MVB12B: variants seen among roughly 807,000 people sequenced by gnomAD.
MVB12B encodes the protein ESCRT-I complex subunit MVB12B.
Under a neutral mutation model 41.6 loss-of-function variants are expected in MVB12B, and 16 were observed. The observed-to-expected ratio is 0.38, with a 90% CI of 0.26 to 0.58. MVB12B has a LOEUF of 0.58. Ranked by LOEUF, MVB12B falls within the 20% of genes least tolerant of loss-of-function variation. The pLI, the probability that MVB12B is intolerant of heterozygous loss-of-function variation, is 0.62. For synonymous variants in MVB12B, 133 were observed against 139.7 expected (o/e 0.95, Z 0.34); for missense variants, 274 against 380.2 (o/e 0.72, Z 2.32).
chr9:126,335,203 A>G, intron 1 of MVB12B: 1 of 1,152,306 alleles, frequency 8.7e-7, no homozygotes. Flanking sequence ...GACTATGTCC[A>G]GCAGCATTTG....
At chr9:126,444,843 A>G (rs1159655703) in intron 7 of MVB12B, among the ~76,000 whole-genome samples, 1 of 152,004 alleles carries the variant, frequency 6.6e-6, no homozygotes, top group Non-Finnish European at 1.5e-5. Flanking sequence ...TCTTCTTTTA[A>G]CCAACTCATT....
intron 9 of MVB12B, among the ~76,000 whole-genome samples, chr9:126,494,681 G>T (rs1833793848): frequency 2.6e-5 from 4 of 152,168 alleles, no homozygotes; most frequent in Admixed American, 2.0e-4. Flanking sequence ...AAGACAAAGG[G>T]TGGGGAGGGC....
At chr9:126,498,846 C>T (rs1833892393) in intron 9 of MVB12B, among the ~76,000 whole-genome samples, 1 of 152,206 alleles carries the variant, frequency 6.6e-6, no homozygotes, top group East Asian at 1.9e-4. Context: ...AGTGCACTTG[C>T]CTTCCCCTCT....
intron 2 of MVB12B, among the ~76,000 whole-genome samples, chr9:126,365,433 A>G (rs1830150647): frequency 6.6e-6 from 1 of 151,300 alleles, no homozygotes; most frequent in Non-Finnish European, 1.5e-5. Flanking sequence ...CCCAGGTTCA[A>G]GTGATTCTCC....
rs763563278 is a variant in MVB12B, at chr9:126,473,820, T to C, written c.758-7549T>C. Among the ~76,000 whole-genome samples, 1 of 152,232 alleles carries C rather than the reference T, an allele frequency of 6.6e-6. No individual in the cohort carries two copies. Among genetic ancestry groups the C allele is most frequent in the Non-Finnish European group, 1.5e-5 (1 of 68,046 alleles). On this transcript the variant is annotated intron_variant, in intron 7 of 9. Coordinates refer to ENST00000361171, the MANE Select transcript of MVB12B (RefSeq NM_033446.3). The surrounding 1 kb of genome is among the most constrained non-coding windows in gnomAD (Gnocchi z 4.0). Reference sequence around the variant, plus strand: ...TTGGGTATTTGGGTGGGGACACAGATTCAAGCCACGTTAAGTGGTAATGTT... The same window carrying C: ...TTGGGTATTTGGGTGGGGACACAGACTCAAGCCACGTTAAGTGGTAATGTT...
At chr9:126,477,810 GC>G (rs1179277100) in intron 7 of MVB12B, among the ~76,000 whole-genome samples, 1 of 152,148 alleles carries the variant, frequency 6.6e-6, no homozygotes, top group African/African-American at 2.4e-5. Flanking sequence ...TTTATTTAAA[GC>G]CCTAAACTCA....
intron 7 of MVB12B, among the ~76,000 whole-genome samples, chr9:126,463,551 CTCTT>C (rs1310673297): frequency 6.6e-6 from 1 of 152,174 alleles, no homozygotes; most frequent in Non-Finnish European, 1.5e-5. Flanking sequence ...TGGCAGGTCT[CTCTT>C]TATTTGGTCT....
At chr9:126,484,499 A>G (rs1833592654) in intron 9 of MVB12B, among the ~76,000 whole-genome samples, 1 of 145,832 alleles carries the variant, frequency 6.9e-6, no homozygotes, top group African/African-American at 2.5e-5. Flanking sequence ...GGTACCTTCC[A>G]CTGTGCTTCA....
chr9:126,380,591 C>G (rs889164587), intron 2 of MVB12B, among the ~76,000 whole-genome samples: 5 of 152,224 alleles, frequency 3.3e-5, no homozygotes, highest in Admixed American at 6.5e-5. Context: ...GCCCCAGCCT[C>G]CAGTAGAATC....
Position 126,340,388 on chromosome 9 carries a change from G to A in MVB12B, c.82-120G>A, listed in dbSNP as rs890009035. The A allele has an allele frequency of 1.8e-6, 2 of 1,117,896 alleles. No individual in the cohort carries two copies. Among genetic ancestry groups the A allele is most frequent in the African/African-American group, 3.1e-5 (2 of 64,372 alleles). 69.2% of individuals were successfully genotyped at this position (1,117,896 alleles called of 1,614,324 possible). ...CATAGGGTCAGGACTCATTCAACCAGTACAGGTATGTGAAACTCAGGGTAT... is the reference window on the plus strand; with the variant it reads ...CATAGGGTCAGGACTCATTCAACCAATACAGGTATGTGAAACTCAGGGTAT... On this transcript the variant is annotated intron_variant, in intron 1 of 9. Coordinates refer to ENST00000361171, the MANE Select transcript of MVB12B (RefSeq NM_033446.3). This position sits in a 1 kb window ranked among gnomAD's most constrained non-coding sequence, Gnocchi z 4.0.
chr9:126,374,976 C>G (rs1184465315), intron 2 of MVB12B, among the ~76,000 whole-genome samples: 1 of 152,234 alleles, frequency 6.6e-6, no homozygotes, highest in Non-Finnish European at 1.5e-5. Context: ...CCTGCCCTGT[C>G]TCCCCACCTT....
intron 6 of MVB12B, chr9:126,397,218 G>T: frequency 1.0e-6 from 1 of 985,486 alleles, no homozygotes; most frequent in Non-Finnish European, 1.2e-6. Flanking sequence ...GCCCAGAAAT[G>T]GGCACCACCT....
At chr9:126,410,205 A>C (rs1418002652) in intron 6 of MVB12B, among the ~76,000 whole-genome samples, 1 of 149,320 alleles carries the variant, frequency 6.7e-6, no homozygotes, top group African/African-American at 2.5e-5. Flanking sequence ...GCATGTGTGT[A>C]TGTGTTGCCC....
chr9:126,416,841 C>T (rs1215385123), intron 6 of MVB12B, among the ~76,000 whole-genome samples: 3 of 152,186 alleles, frequency 2.0e-5, no homozygotes, highest in African/African-American at 4.8e-5. Flanking sequence ...CTCCATCCCA[C>T]GCTGGGGAAC....
intron 7 of MVB12B, among the ~76,000 whole-genome samples, chr9:126,457,510 T>G (rs1449056439): frequency 6.6e-6 from 1 of 152,308 alleles, no homozygotes; most frequent in African/African-American, 2.4e-5. Context: ...ACCATGAATG[T>G]TATTTTTTTA....
intron 2 of MVB12B, among the ~76,000 whole-genome samples, chr9:126,344,466 G>A (rs1340520034): frequency 6.6e-6 from 1 of 152,184 alleles, no homozygotes; most frequent in African/African-American, 2.4e-5. Context: ...TGCCTCAAAG[G>A]TGCTCACAGT....
At chr9:126,351,982 AC>A (rs1829762510) in intron 2 of MVB12B, among the ~76,000 whole-genome samples, 1 of 152,134 alleles carries the variant, frequency 6.6e-6, no homozygotes, top group African/African-American at 2.4e-5. Context: ...AAGCTTGTTA[AC>A]ATGGTGGATT....
intron 9 of MVB12B, 101 bp downstream of exon 9, chr9:126,484,133 A>T: frequency 9.3e-7 from 1 of 1,078,150 alleles, no homozygotes. Flanking sequence ...AGAGAGGGAC[A>T]GGTGGAGGTG....
intron 6 of MVB12B, chr9:126,397,006 TC>T (rs1831135586): frequency 2.0e-6 from 2 of 985,436 alleles, no homozygotes; most frequent in South Asian, 9.4e-5. Context: ...CAAGGCTATA[TC>T]AGGTGTGTCA....
Sources: allele counts gnomAD v4.1 joint callset (sites outside exome capture counted in the v4.1 genomes callset), GRCh38; gene constraint gnomAD v4.1.1; non-coding constraint Gnocchi (gnomAD v3.1); transcripts MANE v1.5; gene names NCBI Gene and HGNC (gene_info 2026-07-23, HGNC 2026-07-21).